Variants in NEGR1 observed in about 807,000 individuals in gnomAD.
The protein encoded by NEGR1 is neuronal growth regulator 1.
NEGR1 carries 10 observed loss-of-function variants against 40.9 expected under a neutral mutation model. That is an observed-to-expected ratio of 0.24 (90% confidence interval 0.15 to 0.42). NEGR1 has a LOEUF of 0.42. Ranked by LOEUF, NEGR1 falls within the 10% of genes least tolerant of loss-of-function variation. The pLI, the probability that NEGR1 is intolerant of heterozygous loss-of-function variation, is 1.00. For synonymous variants in NEGR1, 185 were observed against 166.8 expected, an observed-to-expected ratio of 1.11 and a Z score of -0.84; for missense variants, 352 against 438.9, an observed-to-expected ratio of 0.80 and a Z score of 1.77.
chr1:71,765,082 T>C (rs1656074841), intron 3 of NEGR1, among the ~76,000 whole-genome samples: 1 of 151,976 alleles, frequency 6.6e-6, no homozygotes, highest in African/African-American at 2.4e-5. Flanking sequence ...CACTACAGCT[T>C]TCTGAATCCT....
intron 6 of NEGR1, chr1:71,489,727 A>G (rs996264736): frequency 6.6e-6 from 1 of 151,606 alleles, no homozygotes; most frequent in Non-Finnish European, 1.5e-5. Flanking sequence ...ACTAAGCCCA[A>G]ATTTGTCTAA....
At chr1:71,748,590 G>T (rs10749803) in intron 3 of NEGR1, among the ~76,000 whole-genome samples, 57,407 of 151,748 alleles carry the variant, frequency 0.38, 11,216 homozygotes, top group East Asian at 0.61. Context: ...TATGCCCTTT[G>T]GTTTGCATAT....
At chr1:71,970,183 G>C (rs1646243591) in intron 1 of NEGR1, among the ~76,000 whole-genome samples, 1 of 151,996 alleles carries the variant, frequency 6.6e-6, no homozygotes, top group Non-Finnish European at 1.5e-5. Flanking sequence ...TCAGCAGAGG[G>C]AACAACATAG....
At chr1:71,950,301 G>T (rs1274187612) in intron 1 of NEGR1, among the ~76,000 whole-genome samples, 1 of 151,662 alleles carries the variant, frequency 6.6e-6, no homozygotes, top group Non-Finnish European at 1.5e-5. Context: ...ATCACTTTTA[G>T]TATAATTTGT....
At chr1:72,187,063 G>A (rs1360903309) in intron 1 of NEGR1, among the ~76,000 whole-genome samples, 1 of 151,360 alleles carries the variant, frequency 6.6e-6, no homozygotes, top group Non-Finnish European at 1.5e-5. Context: ...CATTTTAGGT[G>A]GCCAATCTCA....
At chr1:71,726,682 T>C (rs1654687917) in intron 3 of NEGR1, among the ~76,000 whole-genome samples, 1 of 152,046 alleles carries the variant, frequency 6.6e-6, no homozygotes, top group South Asian at 2.1e-4. Flanking sequence ...CAATATCAAT[T>C]TTCCCCCAAA....
intron 6 of NEGR1, among the ~76,000 whole-genome samples, chr1:71,539,109 C>T (rs1210434765): frequency 1.3e-5 from 2 of 151,774 alleles, no homozygotes; most frequent in Middle Eastern, 3.4e-3. Context: ...CTCATTTTCT[C>T]TAAGTTTGTG....
chr1:71,593,830 C>A (rs1312472015), intron 5 of NEGR1, among the ~76,000 whole-genome samples: 1 of 152,184 alleles, frequency 6.6e-6, no homozygotes, highest in Non-Finnish European at 1.5e-5. Context: ...TCATTTAGGT[C>A]TAACCTAAGA....
intron 4 of NEGR1, among the ~76,000 whole-genome samples, chr1:71,676,497 C>T (rs1474863056): frequency 1.3e-5 from 2 of 152,110 alleles, no homozygotes; most frequent in Middle Eastern, 3.2e-3. Context: ...GAAACAGCAA[C>T]AATAACAATG....
chr1:71,469,867 T>C (rs1646770516), intron 6 of NEGR1, among the ~76,000 whole-genome samples: 1 of 152,142 alleles, frequency 6.6e-6, no homozygotes, highest in Non-Finnish European at 1.5e-5. Context: ...AGTTGATCTT[T>C]TTCCACACTG....
At chr1:71,574,941 G>A (rs12757106) in intron 6 of NEGR1, among the ~76,000 whole-genome samples, 80,945 of 152,024 alleles carry the variant, frequency 0.53, 23,528 homozygotes, top group Non-Finnish European at 0.67. Flanking sequence ...GGGTATTATG[G>A]AATGTAGACA....
intron 3 of NEGR1, among the ~76,000 whole-genome samples, chr1:71,720,991 G>A (rs1570257191): frequency 6.6e-6 from 1 of 152,270 alleles, no homozygotes; most frequent in East Asian, 1.9e-4. Context: ...ATAACAGGTA[G>A]AAGCAAGTCA....
At chr1:72,095,338 CTTACT>C (rs1648657758) in intron 1 of NEGR1, among the ~76,000 whole-genome samples, 1 of 151,958 alleles carries the variant, frequency 6.6e-6, no homozygotes, top group African/African-American at 2.4e-5. Context: ...TCATATTTTC[CTTACT>C]TTATCAATAA....
intron 4 of NEGR1, among the ~76,000 whole-genome samples, chr1:71,647,855 G>A (rs927517929): frequency 6.6e-6 from 1 of 151,912 alleles, no homozygotes; most frequent in Non-Finnish European, 1.5e-5. Context: ...TTGTGACACT[G>A]TGTAAACTTA....
At chr1:72,135,308 G>A (rs1376571672) in intron 1 of NEGR1, among the ~76,000 whole-genome samples, 2 of 147,636 alleles carry the variant, frequency 1.4e-5, no homozygotes, top group Non-Finnish European at 3.0e-5. Flanking sequence ...CCCGGGAGGC[G>A]GAGCTTGCAG....
At chr1:72,275,095 A>G in intron 1 of NEGR1, 1 of 895,202 alleles carries the variant, frequency 1.1e-6, no homozygotes, top group Non-Finnish European at 1.9e-6. Context: ...CCTGATACCG[A>G]AAGACTTGGG....
At chr1:72,233,128 C>T (rs1192431380) in intron 1 of NEGR1, among the ~76,000 whole-genome samples, 4 of 151,968 alleles carry the variant, frequency 2.6e-5, no homozygotes, top group African/African-American at 9.7e-5. Flanking sequence ...CTTCTATACC[C>T]AAGGAAATGA....
intron 6 of NEGR1, among the ~76,000 whole-genome samples, chr1:71,474,069 A>G (rs1312895039): frequency 3.9e-5 from 6 of 151,980 alleles, no homozygotes; most frequent in Admixed American, 1.3e-4. Context: ...GGTTAACACA[A>G]CTATCATTCA....
chr1:72,150,974 T>C (rs1323793883), intron 1 of NEGR1, among the ~76,000 whole-genome samples: 1 of 151,938 alleles, frequency 6.6e-6, no homozygotes, highest in Non-Finnish European at 1.5e-5. Flanking sequence ...CCTTTAGCAA[T>C]TGTTATTAAA....
Sources: allele counts gnomAD v4.1 joint callset (sites outside exome capture counted in the v4.1 genomes callset), GRCh38; gene constraint gnomAD v4.1.1; transcripts MANE v1.5; gene names NCBI Gene and HGNC (gene_info 2026-07-23, HGNC 2026-07-21).